ROBO2: variants seen among roughly 807,000 people sequenced by gnomAD.
ROBO2 encodes the protein roundabout guidance receptor 2, also known as roundabout homolog 2.
ROBO2 carries 53 observed loss-of-function variants against 160.8 expected under a neutral mutation model. That is an observed-to-expected ratio of 0.33 (90% CI 0.26 to 0.41). ROBO2 has a LOEUF of 0.41. Among genes scored for constraint, ROBO2 ranks in the 10% least tolerant of loss-of-function variants. The probability of loss-of-function intolerance (pLI) is 1.00; values close to 1 mark genes in which losing one functional copy is unlikely to be tolerated. For missense variants in ROBO2, 1,577 were observed against 1,722.4 expected (o/e 0.92, Z 1.49); for synonymous variants, 664 against 611.7 (o/e 1.09, Z -1.26).
chr3:76,211,278 T>C (rs1395967856), intron 2 of ROBO2, among the ~76,000 whole-genome samples: 3 of 152,158 alleles, frequency 2.0e-5, no homozygotes, highest in Non-Finnish European at 2.9e-5. Context: ...ATTTTACTCA[T>C]AATTAAACAT....
At chr3:76,232,442 C>A (rs141998538) in intron 2 of ROBO2, among the ~76,000 whole-genome samples, 3 of 152,278 alleles carry the variant, frequency 2.0e-5, no homozygotes, top group Non-Finnish European at 2.9e-5. Context: ...AACCTGTAAT[C>A]ATTTCTATAA....
At chr3:75,997,615 C>T (rs1259872125) in intron 2 of ROBO2, among the ~76,000 whole-genome samples, 1 of 150,872 alleles carries the variant, frequency 6.6e-6, no homozygotes, top group Non-Finnish European at 1.5e-5. Flanking sequence ...GCCCAGCCTC[C>T]CGAGTAGCTG....
chr3:76,999,962 T>G (rs866051318), intron 2 of ROBO2, among the ~76,000 whole-genome samples: 2 of 152,184 alleles, frequency 1.3e-5, no homozygotes, highest in Admixed American at 1.3e-4. Context: ...ACATGATATA[T>G]AGCAGGTGTT....
chr3:75,983,394 A>G (rs1001668966), intron 2 of ROBO2, among the ~76,000 whole-genome samples: 1 of 151,460 alleles, frequency 6.6e-6, no homozygotes, highest in Non-Finnish European at 1.5e-5. Flanking sequence ...TGAAATGTGT[A>G]AAACCATTCC....
chr3:76,369,200 C>G (rs1260322980), intron 2 of ROBO2, among the ~76,000 whole-genome samples: 1 of 151,894 alleles, frequency 6.6e-6, no homozygotes, highest in African/African-American at 2.4e-5. Flanking sequence ...ACACAATGAA[C>G]CTTCATTGGT....
At chr3:76,405,657 G>A (rs180846726) in intron 2 of ROBO2, among the ~76,000 whole-genome samples, 3 of 151,732 alleles carry the variant, frequency 2.0e-5, no homozygotes, top group Non-Finnish European at 4.4e-5. Context: ...GTGAAGGTTT[G>A]GAGAGCATAG....
At chr3:77,208,510 G>A (rs1346714556) in intron 2 of ROBO2, among the ~76,000 whole-genome samples, 2 of 152,162 alleles carry the variant, frequency 1.3e-5, no homozygotes, top group African/African-American at 4.8e-5. Flanking sequence ...AGAATTGTCA[G>A]TGTGTTTTCA....
chr3:77,482,067 A>C (rs1253493717), intron 4 of ROBO2, among the ~76,000 whole-genome samples: 1 of 152,228 alleles, frequency 6.6e-6, no homozygotes, highest in Non-Finnish European at 1.5e-5. Context: ...ACACATTTAT[A>C]GACCCACACA....
chr3:76,422,467 GC>G (rs1415466671), intron 2 of ROBO2, among the ~76,000 whole-genome samples: 1 of 152,168 alleles, frequency 6.6e-6, no homozygotes, highest in Non-Finnish European at 1.5e-5. Context: ...TCTATATTAG[GC>G]AGTGAATCAA....
At chr3:77,613,662 CAAAT>C (rs780582003) in intron 21 of ROBO2, among the ~76,000 whole-genome samples, 107 of 152,130 alleles carry the variant, frequency 7.0e-4, no homozygotes, top group South Asian at 1.5e-3. Context: ...GTTTTCAAAT[CAAAT>C]CAATACATAC....
intron 2 of ROBO2, among the ~76,000 whole-genome samples, chr3:76,907,283 G>T (rs1166996): frequency 0.14 from 20,994 of 152,090 alleles, 1,926 homozygotes; most frequent in Middle Eastern, 0.24. Flanking sequence ...GTCCTTATTT[G>T]TTTAACACGT....
Position 75,936,932 on chromosome 3 carries a change from A to G in ROBO2, c.-13-549A>G, listed in dbSNP as rs530186306. Among the ~76,000 whole-genome samples the G allele has an allele frequency of 7.9e-3, 1,208 of 152,162 alleles. 20 individuals are homozygous for G. Among genetic ancestry groups the G allele is most frequent in the African/African-American group, 0.026 (1,097 of 41,558 alleles). On this transcript the variant is annotated intron_variant, in intron 1 of 26. Coordinates refer to the ROBO2 transcript ENST00000487694. ...ATGTCTATAATTAATTTTACTATCA[A>G]TTTTAAGTAAATAAGATTAGTTTTT...
At chr3:77,556,810 A>T (rs1332539743) in intron 8 of ROBO2, among the ~76,000 whole-genome samples, 1 of 151,784 alleles carries the variant, frequency 6.6e-6, no homozygotes. Flanking sequence ...ATATTCTTTT[A>T]TATACTACAT....
intron 2 of ROBO2, among the ~76,000 whole-genome samples, chr3:76,786,735 G>A (rs1168443345): frequency 6.6e-6 from 1 of 151,252 alleles, no homozygotes; most frequent in Non-Finnish European, 1.5e-5. Flanking sequence ...TTGTAAAGAT[G>A]TAGGTTTCAT....
At chr3:76,457,457 C>T (rs922843026) in intron 2 of ROBO2, among the ~76,000 whole-genome samples, 2 of 152,218 alleles carry the variant, frequency 1.3e-5, no homozygotes, top group Non-Finnish European at 2.9e-5. Context: ...AGCTCCGCCC[C>T]TGTGGCTTTG....
At chr3:77,200,563 G>C (rs1374036608) in intron 2 of ROBO2, among the ~76,000 whole-genome samples, 1 of 151,826 alleles carries the variant, frequency 6.6e-6, no homozygotes, top group East Asian at 1.9e-4. Context: ...CCCATGAACA[G>C]TTCTTTTGTC....
intron 2 of ROBO2, among the ~76,000 whole-genome samples, chr3:76,299,739 T>C (rs1396907137): frequency 6.6e-6 from 1 of 151,972 alleles, no homozygotes; most frequent in African/African-American, 2.4e-5. Flanking sequence ...GTGAGAACAG[T>C]GAAGGAGTGA....
At chr3:75,963,620 A>G (rs1949003167) in intron 2 of ROBO2, among the ~76,000 whole-genome samples, 1 of 151,830 alleles carries the variant, frequency 6.6e-6, no homozygotes, top group African/African-American at 2.4e-5. Flanking sequence ...TCCTTTACCA[A>G]TTATGTTAGT....
chr3:76,647,207 G>C (rs1394207588), intron 2 of ROBO2, among the ~76,000 whole-genome samples: 8 of 152,280 alleles, frequency 5.3e-5, no homozygotes, highest in East Asian at 3.9e-4. Flanking sequence ...TGTCTCTGAG[G>C]GGGGCTATGA....
Sources: allele counts gnomAD v4.1 joint callset (sites outside exome capture counted in the v4.1 genomes callset), GRCh38; gene constraint gnomAD v4.1.1; transcripts MANE v1.5; gene names NCBI Gene and HGNC (gene_info 2026-07-23, HGNC 2026-07-21).